DDX11: variants seen among roughly 807,000 people sequenced by gnomAD.
DDX11 encodes the protein ATP-dependent DNA helicase DDX11.
Under a neutral mutation model 125.2 loss-of-function variants are expected in DDX11, and 72 were observed. That is an observed-to-expected ratio of 0.58 (90% confidence interval 0.48 to 0.70). The LOEUF is 0.70. DDX11 is among the 30% of genes least tolerant of loss of function. The pLI, the probability that DDX11 is intolerant of heterozygous loss-of-function variation, is 0.00. For synonymous variants in DDX11, 347 were observed against 452.6 expected, an observed-to-expected ratio of 0.77 and a Z score of 2.96; for missense variants, 883 against 1,165.0, an observed-to-expected ratio of 0.76 and a Z score of 3.52.
At chr12:31,102,057 TC>T (rs1946477769) in intron 21 of DDX11, 75 bp downstream of exon 21, 1 of 1,579,622 alleles carries the variant, frequency 6.3e-7, no homozygotes, top group African/African-American at 1.4e-5. Flanking sequence ...CTCGTGCTCA[TC>T]GGGTCAGGAC....
At chr12:31,087,553 A>G (rs1943368906) in intron 5 of DDX11, 2 of 345,310 alleles carry the variant, frequency 5.8e-6, no homozygotes, top group East Asian at 7.5e-5. Context: ...GGGAGACAAC[A>G]TTCCAGGCAC....
At chr12:31,089,739 C>G (rs968201637) in intron 8 of DDX11, 147 bp from the exon 9 acceptor site, 2 of 1,433,974 alleles carry the variant, frequency 1.4e-6, no homozygotes, top group South Asian at 2.5e-5. Context: ...TACAGTGTTC[C>G]GATGAGACCA....
chr12:31,084,135 G>C, intron 3 of DDX11, 74 bp downstream of exon 3: 1 of 1,586,584 alleles, frequency 6.3e-7, no homozygotes, highest in Non-Finnish European at 8.6e-7. Context: ...GGGCGATTCC[G>C]AGACTCAGGC....
intron 2 of DDX11, among the ~76,000 whole-genome samples, chr12:31,078,898 A>G (rs578115855): frequency 3.8e-4 from 58 of 152,268 alleles, no homozygotes; most frequent in African/African-American, 1.4e-3. Context: ...CGTGTTAGCC[A>G]GGATGATCTC....
intron 15 of DDX11, 113 bp downstream of exon 15, chr12:31,096,492 C>T: frequency 6.2e-7 from 1 of 1,604,152 alleles, no homozygotes. Flanking sequence ...CCTTCGTCTC[C>T]ACTCTCCTTG....
chr12:31,089,466 G>A lies in DDX11; in HGVS notation c.856G>A (p.Val286Met), dbSNP rs771007118. ...GSVQLINDRC[V>M]DMQRSRHEKK... ...TGTGCAGCTTATCAACGACCGCTGT[G>A]TGGACATGCAGAGAAGCAGGCACGG... Residue 286 changes from valine (V) to methionine (M), a missense_variant, in exon 8 of 27, where the codon GTG becomes ATG. Val to Met is a conservative substitution (Grantham distance 21). Transcript: ENST00000542838. 5.0e-5 allele frequency: 80 copies of A among 1,613,876 alleles called. 1 individual carries two copies. Among genetic ancestry groups the A allele is most frequent in the Admixed American group, 4.8e-4 (29 of 60,018 alleles).
chr12:31,090,509 A>G (rs1944018213), intron 9 of DDX11, among the ~76,000 whole-genome samples: 1 of 151,550 alleles, frequency 6.6e-6, no homozygotes, highest in African/African-American at 2.4e-5. Context: ...CCTTTTTGTA[A>G]TATCAGTACT....
chr12:31,083,310 C>CT (rs71052460), intron 2 of DDX11, among the ~76,000 whole-genome samples: 39,207 of 124,936 alleles, frequency 0.31, 6,018 homozygotes, highest in East Asian at 0.49. Context: ...GATTAGTTTG[C>CT]TTAAAAAAAA....
At chr12:31,078,159 G>C in intron 1 of DDX11, 1 of 1,441,166 alleles carries the variant, frequency 6.9e-7, no homozygotes, top group Non-Finnish European at 9.4e-7. Flanking sequence ...GGGCTTTCCT[G>C]GTCTGCATTC....
At position 31,096,876 on chromosome 12, in the gene DDX11, G is replaced by A. The variant is rs1304275398; in HGVS notation, c.1648G>A (p.Asp550Asn). 1 of 1,614,102 alleles carries A rather than the reference G, an allele frequency of 6.2e-7. No individual in the cohort carries two copies. Among genetic ancestry groups the A allele is most frequent in the Non-Finnish European group, 8.5e-7 (1 of 1,180,054 alleles). The change falls in exon 17 of 27, where the codon GAC becomes AAC. Residue 550 changes from aspartate (D) to asparagine (N), a missense_variant. Coordinates refer to ENST00000542838, the MANE Select transcript of DDX11 (RefSeq NM_030653.4). ...RTTEALAAPA[D>N]ESQASTLRPA... ...CTGTGCAGCTCTTGCAGCCCCTGCA[G>A]ACGAGAGTCAGGCCAGCACCCTGCG...
chr12:31,088,130 G>C lies in DDX11; in HGVS notation c.684+147G>C, dbSNP rs546789708. On this transcript the variant is annotated intron_variant, in intron 6 of 26. Transcript: ENST00000542838. ...CAGCACTTGGACTCCGTTGCTTCTT[G>C]CACACAACCCTGGTCCTAAGTTGCT... 3.1e-6 allele frequency: 4 copies of C among 1,309,318 alleles called. No individual in the cohort carries two copies. In the Admixed American group the frequency reaches 8.0e-5, roughly 26 times the overall value. 81.1% of individuals were successfully genotyped at this position (1,309,318 alleles called of 1,614,324 possible). A position where few individuals can be genotyped will look rare whatever the true frequency, so the allele number is the denominator to read the frequency against.
intron 6 of DDX11, 134 bp from the exon 7 acceptor site, chr12:31,088,910 T>A: frequency 1.4e-6 from 1 of 733,964 alleles, no homozygotes; most frequent in Non-Finnish European, 2.5e-6. Context: ...GACATTGCTG[T>A]CCTGCCTCGG....
chr12:31,097,571 T>G (rs1322740540), intron 17 of DDX11, among the ~76,000 whole-genome samples: 1 of 123,772 alleles, frequency 8.1e-6, no homozygotes. Flanking sequence ...TCCCAGCTAC[T>G]CGGGAGGCTG....
intron 3 of DDX11, 135 bp downstream of exon 3, chr12:31,084,196 C>T (rs1191862498): frequency 6.5e-5 from 81 of 1,244,660 alleles, no homozygotes; most frequent in Non-Finnish European, 9.5e-5. Flanking sequence ...CCCTCAGCTC[C>T]TTGGGTCTAT....
chr12:31,101,591 G>A, intron 20 of DDX11: 1 of 566,636 alleles, frequency 1.8e-6, no homozygotes, highest in Non-Finnish European at 3.2e-6. Flanking sequence ...GGCCCCCTAG[G>A]GACGCTAGTG....
Position 31,093,326 on chromosome 12 carries a change from T to C in DDX11, c.1369+2T>C. 1 of 1,613,600 alleles carries C rather than the reference T, an allele frequency of 6.2e-7. No homozygotes were observed. The highest frequency in any genetic ancestry group is 8.5e-7 in the Non-Finnish European group (1 of 1,179,750). On this transcript the variant is annotated splice_donor_variant, in intron 12 of 26. Transcript: ENST00000542838. LOFTEE classifies it high-confidence loss of function. Reference sequence around the variant, plus strand: ...AGAAATTCGTGGCTGTGCTAGGGGGTGAGAGCCTCGTCCCCCTGCTGACCC... The same window carrying C: ...AGAAATTCGTGGCTGTGCTAGGGGGCGAGAGCCTCGTCCCCCTGCTGACCC...
chr12:31,100,899 T>C, intron 19 of DDX11, 128 bp from the exon 20 acceptor site: 1 of 1,109,954 alleles, frequency 9.0e-7, no homozygotes, highest in South Asian at 1.3e-5. Context: ...TGACTGGTGA[T>C]GGTGGGCGGG....
At position 31,104,276 on chromosome 12, in the gene DDX11, T is replaced by A; in HGVS notation, c.*440T>A. On this transcript the variant is annotated 3_prime_UTR_variant, in exon 27 of 27. Coordinates refer to ENST00000542838, the MANE Select transcript of DDX11 (RefSeq NM_030653.4). The stretch of plus-strand genomic sequence containing the variant: ...GTTATAGCTGCCCTGGACTGCTCAC[T>A]CTCTGGTCTCAATTTAAAATGATCC... The A allele has an allele frequency of 1.7e-6, 1 of 600,204 alleles. No homozygotes were observed. 37.2% of individuals were successfully genotyped at this position (600,204 alleles called of 1,614,324 possible).
intron 2 of DDX11, 150 bp downstream of exon 2, chr12:31,078,687 G>C (rs1223088658): frequency 9.4e-7 from 1 of 1,065,118 alleles, no homozygotes; most frequent in African/African-American, 1.7e-5. Flanking sequence ...CTCTATTAAA[G>C]TCTTTTTTTT....
Sources: gnomAD v4.1 joint callset for allele counts (sites outside exome capture counted in the v4.1 genomes callset) on GRCh38, gnomAD v4.1.1 for gene constraint, MANE v1.5 for transcripts, NCBI Gene and HGNC (gene_info 2026-07-23, HGNC 2026-07-21) for gene names.